UNKL: variants seen among roughly 807,000 people sequenced by gnomAD.
UNKL encodes the protein unk like zinc finger.
In UNKL, 60 loss-of-function variants were observed where a neutral mutation model predicts 78.0. That is an observed-to-expected ratio of 0.77 (90% CI 0.63 to 0.95). The LOEUF is 0.95. Ranked by LOEUF, UNKL falls within the 40% of genes least tolerant of loss-of-function variation. UNKL has a pLI of 0.00. For missense variants in UNKL, 1,159 were observed against 1,045.7 expected (o/e 1.11, Z -1.49); for synonymous variants, 608 against 474.8 (o/e 1.28, Z -3.65).
rs1167612560 is a variant in UNKL, at chr16:1,373,216, G to A, written c.1265-1605C>T. On this transcript the variant is annotated intron_variant, in intron 10 of 14. Coordinates refer to ENST00000389221, the MANE Select transcript of UNKL (RefSeq NM_001372107.1). Reference sequence around the variant, plus strand: ...AGACCTCAGCAGCATGGAACACACCGCACAGGGACTGCCGGCCAACACCGC... The same window carrying A: ...AGACCTCAGCAGCATGGAACACACCACACAGGGACTGCCGGCCAACACCGC... 8.0e-3 allele frequency among the ~76,000 whole-genome samples: 6 copies of A among 754 alleles called. 3 individuals are homozygous for A. In the African/African-American group the frequency reaches 0.1, roughly 13 times the overall value. 0.5% of individuals were successfully genotyped at this position (754 alleles called of 152,430 possible). A position where few individuals can be genotyped will look rare whatever the true frequency, so the allele number is the denominator to read the frequency against.
At chr16:1,382,464 G>A (rs749978108) in intron 10 of UNKL, among the ~76,000 whole-genome samples, 10 of 151,984 alleles carry the variant, frequency 6.6e-5, no homozygotes, top group Non-Finnish European at 1.2e-4. Flanking sequence ...CCCTGCCCCC[G>A]CCCCGACCAA....
At position 1,398,400 on chromosome 16, in the gene UNKL, G is replaced by A. The variant is rs953672837; in HGVS notation, c.734+974C>T. The A allele has an allele frequency of 7.8e-6, 8 of 1,028,232 alleles. No individual in the cohort carries two copies. The African/African-American group carries it at 1.4e-4, about 18-fold the overall frequency. 63.7% of individuals were successfully genotyped at this position (1,028,232 alleles called of 1,614,324 possible). On this transcript the variant is annotated intron_variant, in intron 5 of 14. Coordinates refer to ENST00000389221, the MANE Select transcript of UNKL (RefSeq NM_001372107.1). The stretch of plus-strand genomic sequence containing the variant: ...AATTTTTATTTTCTTTCCATGACGG[G>A]CGATGACAAAATCTCAGACACTAAT...
chr16:1,389,258 T>A (rs1338805986), intron 9 of UNKL, among the ~76,000 whole-genome samples: 2 of 152,102 alleles, frequency 1.3e-5, no homozygotes, highest in African/African-American at 4.8e-5. Context: ...TGACTAAATT[T>A]GGAGATAGGG....
Position 1,385,175 on chromosome 16 carries a change from G to A in UNKL, c.1264+33C>T, listed in dbSNP as rs1244144651. On this transcript the variant is annotated intron_variant, in intron 10 of 14. Coordinates refer to ENST00000389221, the MANE Select transcript of UNKL (RefSeq NM_001372107.1). ...AGCTACAGCATGAACACAGAAGGAGGTCAGGGAGAAAGGAGGACGGTGCTG... is the reference window on the plus strand; with the variant it reads ...AGCTACAGCATGAACACAGAAGGAGATCAGGGAGAAAGGAGGACGGTGCTG... The A allele has an allele frequency of 2.2e-5, 27 of 1,243,458 alleles. 1 individual carries two copies. Among genetic ancestry groups the A allele is most frequent in the African/African-American group, 1.6e-4 (10 of 64,256 alleles). 77.0% of individuals were successfully genotyped at this position (1,243,458 alleles called of 1,614,324 possible).
At chr16:1,371,369 G>T in intron 11 of UNKL, 150 bp downstream of exon 11, 1 of 712,916 alleles carries the variant, frequency 1.4e-6, no homozygotes, top group African/African-American at 1.8e-5. Flanking sequence ...CCAGACACCG[G>T]GTCTTGCCCT....
At chr16:1,404,462 C>T (rs2037662424) in intron 2 of UNKL, among the ~76,000 whole-genome samples, 1 of 152,204 alleles carries the variant, frequency 6.6e-6, no homozygotes, top group East Asian at 1.9e-4. Flanking sequence ...CCAGGCTCCG[C>T]TGGGCACCTG....
intron 11 of UNKL, among the ~76,000 whole-genome samples, chr16:1,370,781 T>C (rs1288897772): frequency 6.6e-6 from 1 of 152,122 alleles, no homozygotes; most frequent in East Asian, 1.9e-4. Context: ...TTGTATACGA[T>C]GTTAAGATAC....
At chr16:1,396,920 G>C in intron 6 of UNKL, 1 of 507,058 alleles carries the variant, frequency 2.0e-6, no homozygotes, top group Non-Finnish European at 3.5e-6. Flanking sequence ...TTTTCTCTCT[G>C]CTTTTTTCCC....
rs773061340 is a variant in UNKL, at chr16:1,399,054, C to T, written c.734+320G>A. On this transcript the variant is annotated intron_variant, in intron 5 of 14. Transcript: ENST00000389221. The surrounding 1 kb of genome is among the most constrained non-coding windows in gnomAD (Gnocchi z 5.8). ...GAGAGCGTGGCTGCAACCAGAGGCA[C>T]GGGTGGGGCACACGGGGGTCCCAGC... The T allele has an allele frequency of 2.0e-5, 28 of 1,405,546 alleles. No individual in the cohort carries two copies. The highest frequency in any genetic ancestry group is 2.5e-5 in the East Asian group (1 of 39,470). 87.1% of individuals were successfully genotyped at this position (1,405,546 alleles called of 1,614,324 possible).
rs1406318995 is a variant in UNKL at position 1,401,163 on chromosome 16, TGGGGGC to T, written c.598+399_598+404del. On this transcript the variant is annotated intron_variant, in intron 4 of 14. Transcript: ENST00000389221. Reference sequence around the variant, plus strand: ...GCACCACCCCAGAGAGGCGCAGGGCTGGGGGCTCTGCTGGGCATCCTGGTGGGTGCC... The same window carrying T: ...GCACCACCCCAGAGAGGCGCAGGGCTTCTGCTGGGCATCCTGGTGGGTGCC... Among the ~76,000 whole-genome samples the T allele has an allele frequency of 3.3e-4, 49 of 148,468 alleles. 1 individual carries two copies. Among genetic ancestry groups the T allele is most frequent in the Admixed American group, 1.0e-3 (15 of 14,960 alleles).
chr16:1,413,243 CAAAAAAAAAAAAAAAAAAAAAAAAAAA>C (rs546295462), intron 2 of UNKL, among the ~76,000 whole-genome samples: 2 of 71,648 alleles, frequency 2.8e-5, no homozygotes, highest in African/African-American at 1.1e-4. Flanking sequence ...GACCCTGTCT[CAAAAAAAAAAAAAAAAAAAAAAAAAAA>C]AAAAAAAAAA....
At chr16:1,402,429 G>A (rs1441929119) in intron 3 of UNKL, among the ~76,000 whole-genome samples, 4 of 152,116 alleles carry the variant, frequency 2.6e-5, no homozygotes, top group Non-Finnish European at 4.4e-5. Context: ...TCAGGAGGCC[G>A]AGGCGGGCAG....
At chr16:1,380,922 G>A (rs1228758527) in intron 10 of UNKL, among the ~76,000 whole-genome samples, 3 of 152,162 alleles carry the variant, frequency 2.0e-5, no homozygotes, top group East Asian at 1.9e-4. Context: ...TGATCCACCC[G>A]CCCTGGCCTC....
At chr16:1,404,342 T>C (rs2037656959) in intron 2 of UNKL, among the ~76,000 whole-genome samples, 1 of 152,114 alleles carries the variant, frequency 6.6e-6, no homozygotes, top group Admixed American at 6.5e-5. Context: ...GCCTGGGCAC[T>C]AGGAGCTCCA....
chr16:1,384,298 G>A (rs2036725627), intron 10 of UNKL, among the ~76,000 whole-genome samples: 1 of 146,696 alleles, frequency 6.8e-6, no homozygotes, highest in Non-Finnish European at 1.5e-5. Flanking sequence ...GGGGCTGAAA[G>A]GGACCAAGGA....
At position 1,401,167 on chromosome 16, in the gene UNKL, G is replaced by T. The variant is rs190356293; in HGVS notation, c.598+401C>A. 4.0e-5 allele frequency among the ~76,000 whole-genome samples: 6 copies of T among 148,424 alleles called. No individual in the cohort carries two copies. In the East Asian group the frequency reaches 1.2e-3, roughly 29 times the overall value. ...CACCCCAGAGAGGCGCAGGGCTGGG[G>T]GCTCTGCTGGGCATCCTGGTGGGTG... On this transcript the variant is annotated intron_variant, in intron 4 of 14. Transcript: ENST00000389221.
intron 4 of UNKL, among the ~76,000 whole-genome samples, chr16:1,401,056 G>A (rs1229744511): frequency 6.6e-6 from 1 of 152,140 alleles, no homozygotes; most frequent in Non-Finnish European, 1.5e-5. Context: ...AGCCAGGAAT[G>A]CAGGTCCCCC....
In UNKL at chr16:1,385,303, G is replaced by A. The variant is rs1310695500; in HGVS notation, c.1169C>T (p.Ala390Val). 2.2e-6 allele frequency: 3 copies of A among 1,391,780 alleles called. No homozygotes were observed. Among genetic ancestry groups the A allele is most frequent in the Non-Finnish European group, 2.8e-6 (3 of 1,078,514 alleles). 86.2% of individuals were successfully genotyped at this position (1,391,780 alleles called of 1,614,324 possible). The change falls in exon 10 of 15, where the codon GCC becomes GTC. Residue 390 changes from alanine to valine, a missense_variant. Coordinates refer to ENST00000389221, the MANE Select transcript of UNKL (RefSeq NM_001372107.1). ...SSVASSLASS[A>V]GSGSSSPTAL... ...AGTGGGGGAGGAGCTGCCGGAGCCG[G>A]CGCTGGACGCCAGGCTGGACGCCAC...
intron 3 of UNKL, among the ~76,000 whole-genome samples, chr16:1,402,760 G>A (rs1218868970): frequency 6.6e-6 from 1 of 151,754 alleles, no homozygotes; most frequent in Non-Finnish European, 1.5e-5. Context: ...CAACGTGGGT[G>A]GATCACAAGG....
Sources: allele counts gnomAD v4.1 joint callset (sites outside exome capture counted in the v4.1 genomes callset), GRCh38; gene constraint gnomAD v4.1.1; non-coding constraint Gnocchi (gnomAD v3.1); transcripts MANE v1.5; gene names NCBI Gene and HGNC (gene_info 2026-07-23, HGNC 2026-07-21).